The following POU6F2 variants were observed in gnomAD, a reference collection of about 807,000 sequenced individuals.
The protein encoded by POU6F2 is POU domain, class 6, transcription factor 2.
Under a neutral mutation model 71.3 loss-of-function variants are expected in POU6F2, and 31 were observed. The ratio of observed to expected loss-of-function variants is 0.43; its 90% CI spans 0.33 to 0.59. POU6F2 has a LOEUF of 0.59. POU6F2 is among the 20% of genes least tolerant of loss of function. The probability of loss-of-function intolerance (pLI) is 0.04; values close to 1 mark genes in which losing one functional copy is unlikely to be tolerated. For missense variants in POU6F2, 783 were observed against 856.8 expected (o/e 0.91, Z 1.07); for synonymous variants, 347 against 355.7 (o/e 0.98, Z 0.27).
At chr7:39,135,119 G>A (rs894712686) in intron 2 of POU6F2, among the ~76,000 whole-genome samples, 17 of 152,098 alleles carry the variant, frequency 1.1e-4, no homozygotes, top group African/African-American at 4.1e-4. Context: ...CAAGACATGA[G>A]CTTCTGATAA....
intron 7 of POU6F2, among the ~76,000 whole-genome samples, chr7:39,444,754 G>A (rs1788484492): frequency 6.6e-6 from 1 of 152,324 alleles, no homozygotes; most frequent in Admixed American, 6.5e-5. Flanking sequence ...CAAAGTCAGG[G>A]TCTCTTCAGA....
intron 7 of POU6F2, among the ~76,000 whole-genome samples, chr7:39,446,742 T>C (rs916102426): frequency 6.6e-6 from 1 of 152,350 alleles, no homozygotes; most frequent in East Asian, 1.9e-4. Flanking sequence ...TCATTCTGTG[T>C]GTGGGATGGA....
intron 4 of POU6F2, among the ~76,000 whole-genome samples, chr7:39,277,521 C>T (rs898478838): frequency 2.0e-5 from 3 of 152,050 alleles, no homozygotes; most frequent in African/African-American, 4.8e-5. Context: ...TTTCTATTTC[C>T]GCAAAAAGCA....
intron 1 of POU6F2, among the ~76,000 whole-genome samples, chr7:38,998,769 C>T (rs1252637202): frequency 6.6e-6 from 1 of 150,960 alleles, no homozygotes; most frequent in Non-Finnish European, 1.5e-5. Flanking sequence ...CCTGCCTAAG[C>T]CTCCCAAGTA....
chr7:39,063,781 A>T (rs926234725), intron 1 of POU6F2, among the ~76,000 whole-genome samples: 1 of 151,306 alleles, frequency 6.6e-6, no homozygotes, highest in Admixed American at 6.6e-5. Flanking sequence ...AGGAAAAAAA[A>T]TATTATTTGT....
intron 2 of POU6F2, among the ~76,000 whole-genome samples, chr7:39,095,951 A>G (rs12701692): frequency 0.32 from 48,167 of 152,026 alleles, 7,799 homozygotes; most frequent in East Asian, 0.56. Context: ...ATCTGTATTC[A>G]TGCATTTCCT....
intron 2 of POU6F2, among the ~76,000 whole-genome samples, chr7:39,187,614 C>A (rs1793570250): frequency 6.6e-6 from 1 of 152,194 alleles, no homozygotes; most frequent in African/African-American, 2.4e-5. Context: ...TTGAGAGCCG[C>A]TACTTCTGGG....
chr7:39,095,379 GA>G (rs1330182351), intron 2 of POU6F2, among the ~76,000 whole-genome samples: 2 of 152,122 alleles, frequency 1.3e-5, no homozygotes, highest in Admixed American at 6.6e-5. Flanking sequence ...CAGGCCATCA[GA>G]AAAGTGTTAA....
At chr7:39,339,565 C>G (rs886630438) in intron 4 of POU6F2, 77 bp from the exon 5 acceptor site, 3 of 1,485,306 alleles carry the variant, frequency 2.0e-6, no homozygotes, top group Non-Finnish European at 2.7e-6. Flanking sequence ...TCTCCACTTG[C>G]ACTGGACAGG....
chr7:39,184,992 T>C (rs1793504355), intron 2 of POU6F2, among the ~76,000 whole-genome samples: 2 of 152,204 alleles, frequency 1.3e-5, no homozygotes, highest in South Asian at 4.1e-4. Context: ...GACATTGCAA[T>C]GAAGTCTTAT....
rs557383864 is a variant in POU6F2 at position 39,449,016 on chromosome 7, C to A, written c.1321-2517C>A. On this transcript the variant is annotated intron_variant, in intron 7 of 9. Transcript: ENST00000518318. Reference sequence around the variant, plus strand: ...CAGCAGTTTGGCTAATTACCTTTGGCAGATGCTTGATGCATATTAATTTGG... The same window carrying A: ...CAGCAGTTTGGCTAATTACCTTTGGAAGATGCTTGATGCATATTAATTTGG... Among the ~76,000 whole-genome samples, 9 of 152,312 alleles carry A rather than the reference C, an allele frequency of 5.9e-5. No individual in the cohort carries two copies. The South Asian group carries it at 1.4e-3, about 25-fold the overall frequency.
At chr7:39,354,382 A>G (rs1483309104) in intron 5 of POU6F2, among the ~76,000 whole-genome samples, 2 of 152,244 alleles carry the variant, frequency 1.3e-5, no homozygotes, top group Admixed American at 1.3e-4. Context: ...GCAATAGGAA[A>G]AAACCTTTAG....
chr7:39,013,214 G>C (rs560903276), intron 1 of POU6F2: 5 of 154,092 alleles, frequency 3.2e-5, no homozygotes, highest in Admixed American at 6.5e-5. Flanking sequence ...AGCCAGGTGC[G>C]GGATATAATC....
At chr7:39,151,201 T>C (rs907694092) in intron 2 of POU6F2, among the ~76,000 whole-genome samples, 3 of 152,206 alleles carry the variant, frequency 2.0e-5, no homozygotes, top group Admixed American at 1.3e-4. Flanking sequence ...CTTTTCCTAA[T>C]GGAGGTCAGC....
At chr7:39,215,963 A>G (rs1359919759) in intron 4 of POU6F2, among the ~76,000 whole-genome samples, 1 of 152,228 alleles carries the variant, frequency 6.6e-6, no homozygotes, top group Non-Finnish European at 1.5e-5. Flanking sequence ...CAGGCAGAAG[A>G]AGCAGCCCCT....
intron 2 of POU6F2, among the ~76,000 whole-genome samples, chr7:39,158,944 G>C (rs113005874): frequency 0.016 from 2,436 of 152,122 alleles, 32 homozygotes; most frequent in Middle Eastern, 0.044. Flanking sequence ...GGCCAAGGCA[G>C]GCGGATCACT....
intron 5 of POU6F2, among the ~76,000 whole-genome samples, chr7:39,395,091 AC>A (rs1787146715): frequency 6.6e-6 from 1 of 151,732 alleles, no homozygotes; most frequent in African/African-American, 2.4e-5. Context: ...ACCCATCTCC[AC>A]CCAGTCCAAC....
In POU6F2 at chr7:39,464,966, A is replaced by T. The variant is rs1180810880; in HGVS notation, c.*280A>T. 1.4e-5 allele frequency: 5 copies of T among 359,926 alleles called. No homozygotes were observed. Among genetic ancestry groups the T allele is most frequent in the Non-Finnish European group, 2.5e-5 (5 of 201,440 alleles). 22.3% of individuals were successfully genotyped at this position (359,926 alleles called of 1,614,324 possible). On this transcript the variant is annotated 3_prime_UTR_variant, in exon 10 of 10. Coordinates refer to ENST00000518318, the MANE Select transcript of POU6F2 (RefSeq NM_001370959.1). This position sits in a 1 kb window ranked among gnomAD's most constrained non-coding sequence, Gnocchi z 4.1. ...TGTGGTAGGATAGTTCCCTTCCCCC[A>T]CCTGTCTCCCCCAAAGCCAGTTTTT...
chr7:39,263,791 C>T (rs999384529), intron 4 of POU6F2, among the ~76,000 whole-genome samples: 11 of 152,328 alleles, frequency 7.2e-5, no homozygotes, highest in East Asian at 1.9e-4. Flanking sequence ...CCCCTATCAC[C>T]ATGGTCCATG....
Sources: allele counts gnomAD v4.1 joint callset (sites outside exome capture counted in the v4.1 genomes callset), GRCh38; gene constraint gnomAD v4.1.1; non-coding constraint Gnocchi (gnomAD v3.1); transcripts MANE v1.5; gene names NCBI Gene and HGNC (gene_info 2026-07-23, HGNC 2026-07-21).